The following SNX8 variants were observed in gnomAD, a reference collection of about 807,000 sequenced individuals.
The protein encoded by SNX8 is sorting nexin-8.
In SNX8, 25 loss-of-function variants were observed where a neutral mutation model predicts 51.6. That is an observed-to-expected ratio of 0.48 (90% CI 0.35 to 0.68). The LOEUF (loss-of-function observed/expected upper bound fraction) is 0.68. SNX8 is among the 30% of genes least tolerant of loss of function. The pLI is 0.00. For synonymous variants in SNX8, 324 were observed against 277.0 expected (o/e 1.17, Z -1.68); for missense variants, 695 against 624.0 (o/e 1.11, Z -1.21).
intron 1 of SNX8, among the ~76,000 whole-genome samples, chr7:2,325,353 G>T (rs1447760366): frequency 1.3e-5 from 2 of 152,172 alleles, no homozygotes; most frequent in African/African-American, 4.8e-5. Context: ...AGGTTTCCTG[G>T]AATTGGTTGT....
At chr7:2,311,939 G>GA (rs1249272578) in intron 1 of SNX8, among the ~76,000 whole-genome samples, 243 of 133,082 alleles carry the variant, frequency 1.8e-3, no homozygotes, top group East Asian at 0.015. Context: ...TCCGTCTCAA[G>GA]AAAAAAAAAA....
At chr7:2,323,352 AC>A (rs1778569590) in intron 1 of SNX8, among the ~76,000 whole-genome samples, 1 of 146,678 alleles carries the variant, frequency 6.8e-6, no homozygotes, top group African/African-American at 2.5e-5. Flanking sequence ...AAAAAAAACA[AC>A]CAAACAAACA....
intron 1 of SNX8, among the ~76,000 whole-genome samples, chr7:2,344,413 C>T (rs1778985301): frequency 6.7e-6 from 1 of 148,768 alleles, no homozygotes. Context: ...AGATCGAAAC[C>T]ATCCTGGCTG....
At chr7:2,273,293 C>T (rs1795691707) in intron 3 of SNX8, among the ~76,000 whole-genome samples, 1 of 151,382 alleles carries the variant, frequency 6.6e-6, no homozygotes, top group Admixed American at 6.6e-5. Flanking sequence ...CTGAAAAATA[C>T]CATAAAAGAG....
chr7:2,327,510 C>G (rs1204389786), intron 1 of SNX8, among the ~76,000 whole-genome samples: 2 of 151,928 alleles, frequency 1.3e-5, no homozygotes, highest in Non-Finnish European at 1.5e-5. Flanking sequence ...CTGGTTCATG[C>G]CATTCTCCTG....
rs145200975 is a variant in SNX8 at position 2,339,453 on chromosome 7, C to T, written c.-66+14769G>A. On this transcript the variant is annotated intron_variant, in intron 1 of 5. Coordinates refer to the SNX8 transcript ENST00000435336. ...CTCGATCTCCTGACCTCATGATCCA[C>T]CCACCCTGGCCTCCCAAAGTGCTGG... 3.3e-5 allele frequency among the ~76,000 whole-genome samples: 5 copies of T among 152,076 alleles called. No individual in the cohort carries two copies. The East Asian group carries it at 9.7e-4, about 29-fold the overall frequency.
chr7:2,266,395 G>A (rs182652725), intron 5 of SNX8, among the ~76,000 whole-genome samples: 1 of 151,656 alleles, frequency 6.6e-6, no homozygotes, highest in East Asian at 2.0e-4. Context: ...CGTCCAGGCT[G>A]GAGTGCAGTG....
chr7:2,265,701 A>C (rs1040968625), intron 5 of SNX8, among the ~76,000 whole-genome samples: 2 of 151,992 alleles, frequency 1.3e-5, no homozygotes, highest in Non-Finnish European at 2.9e-5. Flanking sequence ...TTCCTGAAAG[A>C]CTCTCCACAT....
upstream of SNX8, chr7:2,314,512 G>A: frequency 9.0e-7 from 1 of 1,115,468 alleles, no homozygotes; most frequent in South Asian, 4.4e-5. Flanking sequence ...CACCCCGCCT[G>A]GTCACGCCCC....
intron 2 of SNX8, among the ~76,000 whole-genome samples, chr7:2,275,955 G>A (rs970306425): frequency 1.3e-5 from 2 of 150,622 alleles, no homozygotes; most frequent in Non-Finnish European, 2.9e-5. Flanking sequence ...CTGAGATCAC[G>A]CCACTGCACT....
At chr7:2,344,698 C>A (rs984293912) in intron 1 of SNX8, among the ~76,000 whole-genome samples, 1 of 151,998 alleles carries the variant, frequency 6.6e-6, no homozygotes, top group East Asian at 1.9e-4. Flanking sequence ...GCAAGCAGAT[C>A]ATTTAAGTTC....
intron 1 of SNX8, among the ~76,000 whole-genome samples, chr7:2,351,849 T>G (rs1363901989): frequency 6.8e-6 from 1 of 146,656 alleles, no homozygotes; most frequent in South Asian, 2.1e-4. Flanking sequence ...AATAAATAAA[T>G]AAATAAAGAT....
upstream of SNX8, among the ~76,000 whole-genome samples, chr7:2,314,818 A>G (rs2115215817): frequency 6.6e-6 from 1 of 152,314 alleles, no homozygotes; most frequent in East Asian, 1.9e-4. Flanking sequence ...TCTGACTCGC[A>G]CTTCCTCATT....
At chr7:2,305,867 G>A (rs1464242499) in intron 1 of SNX8, among the ~76,000 whole-genome samples, 5 of 151,866 alleles carry the variant, frequency 3.3e-5, no homozygotes, top group African/African-American at 4.8e-5. Flanking sequence ...AACTGCTTGA[G>A]CCCAGGAGTT....
At chr7:2,345,917 C>T (rs887237806) in intron 1 of SNX8, among the ~76,000 whole-genome samples, 1 of 151,996 alleles carries the variant, frequency 6.6e-6, no homozygotes, top group Non-Finnish European at 1.5e-5. Context: ...AAGCGATTCT[C>T]CTACCTCAGC....
At chr7:2,302,844 A>C (rs1339713378) in intron 1 of SNX8, among the ~76,000 whole-genome samples, 1 of 144,904 alleles carries the variant, frequency 6.9e-6, no homozygotes, top group Non-Finnish European at 1.5e-5. Flanking sequence ...CCGTCTGAGA[A>C]GTGAGGAGAC....
At chr7:2,349,748 C>A (rs1271961568) in intron 1 of SNX8, among the ~76,000 whole-genome samples, 1 of 151,982 alleles carries the variant, frequency 6.6e-6, no homozygotes, top group Non-Finnish European at 1.5e-5. Flanking sequence ...TTTAGCTTTT[C>A]TTAAGACAAG....
chr7:2,323,670 G>A (rs908478788), intron 1 of SNX8, among the ~76,000 whole-genome samples: 3 of 152,196 alleles, frequency 2.0e-5, no homozygotes, highest in Admixed American at 6.6e-5. Context: ...CAGGACCAGT[G>A]ATGTGGTCTC....
chr7:2,308,545 G>A (rs1412959754), intron 1 of SNX8, among the ~76,000 whole-genome samples: 1 of 151,338 alleles, frequency 6.6e-6, no homozygotes, highest in Non-Finnish European at 1.5e-5. Context: ...GCACACGCCT[G>A]TAATCCCAAC....
Sources: allele counts gnomAD v4.1 joint callset (sites outside exome capture counted in the v4.1 genomes callset), GRCh38; gene constraint gnomAD v4.1.1; transcripts MANE v1.5; gene names NCBI Gene and HGNC (gene_info 2026-07-23, HGNC 2026-07-21).